Variants in ADGRL3 observed in about 807,000 individuals in gnomAD.
ADGRL3 encodes adhesion G protein-coupled receptor L3.
ADGRL3 carries 62 observed loss-of-function variants against 153.5 expected under a neutral mutation model. That is an observed-to-expected ratio of 0.40 (90% CI 0.33 to 0.50). The LOEUF is 0.50. ADGRL3 is among the 20% of genes least tolerant of loss of function. The pLI, the probability that ADGRL3 is intolerant of heterozygous loss-of-function variation, is 0.47. For missense variants in ADGRL3, 1,641 were observed against 1,859.4 expected, an observed-to-expected ratio of 0.88 and a Z score of 2.16; for synonymous variants, 710 against 672.5, an observed-to-expected ratio of 1.06 and a Z score of -0.86.
At chr4:62,038,597 C>T (rs956245673) in intron 24 of ADGRL3, among the ~76,000 whole-genome samples, 4 of 151,890 alleles carry the variant, frequency 2.6e-5, no homozygotes, top group Non-Finnish European at 4.4e-5. Flanking sequence ...AGCTAGCAAA[C>T]TAGTATTATT....
At chr4:61,790,485 G>A (rs1240576239) in intron 8 of ADGRL3, among the ~76,000 whole-genome samples, 3 of 152,100 alleles carry the variant, frequency 2.0e-5, no homozygotes, top group African/African-American at 7.2e-5. Flanking sequence ...ATTAGGAACA[G>A]TAAAAGATTA....
chr4:61,674,228 A>C (rs993599201), intron 5 of ADGRL3, among the ~76,000 whole-genome samples: 2 of 151,526 alleles, frequency 1.3e-5, no homozygotes, highest in African/African-American at 4.8e-5. Context: ...TTTCTAATCT[A>C]ATCTATATAA....
intron 4 of ADGRL3, among the ~76,000 whole-genome samples, chr4:61,585,487 AT>A (rs1481523977): frequency 1.9e-4 from 29 of 151,860 alleles, no homozygotes; most frequent in Admixed American, 6.6e-5. Context: ...TTCTTTTCAC[AT>A]TTCATGCTTC....
chr4:61,816,698 C>T (rs557001697), intron 9 of ADGRL3, among the ~76,000 whole-genome samples: 1 of 152,162 alleles, frequency 6.6e-6, no homozygotes, highest in Non-Finnish European at 1.5e-5. Context: ...TTTGTAGTTC[C>T]AAGTGACCTG....
chr4:61,909,701 T>C lies in ADGRL3; in HGVS notation c.2029T>C (p.Leu677=). The C allele has an allele frequency of 6.3e-7, 1 of 1,584,796 alleles. No individual in the cohort carries two copies. The highest frequency in any genetic ancestry group is 1.1e-5 in the South Asian group (1 of 87,082). Residue 677 remains leucine, a synonymous_variant, in exon 12 of 27, where the codon TTG becomes CTG. Coordinates refer to ENST00000683033, the MANE Select transcript of ADGRL3 (RefSeq NM_001387552.1). ...CCTCCTAGATGTACAGCTTCGGAAC[T>C]TGACCCCAGGTGGAAAAGATAGTGC... ...VGLLDVQLRN[L]TPGGKDSAAR...
intron 13 of ADGRL3, among the ~76,000 whole-genome samples, chr4:61,916,722 G>A (rs2098746730): frequency 6.6e-6 from 1 of 152,094 alleles, no homozygotes; most frequent in African/African-American, 2.4e-5. Context: ...GAAGGCCAAG[G>A]TGGGCAGATC....
At chr4:61,588,176 G>C (rs1253088293) in intron 5 of ADGRL3, among the ~76,000 whole-genome samples, 1 of 151,728 alleles carries the variant, frequency 6.6e-6, no homozygotes, top group Admixed American at 6.6e-5. Context: ...TGCTTTCTCA[G>C]AAATCAGGGA....
At chr4:61,849,912 C>T (rs887752618) in intron 9 of ADGRL3, among the ~76,000 whole-genome samples, 3 of 152,072 alleles carry the variant, frequency 2.0e-5, no homozygotes, top group Admixed American at 6.6e-5. Flanking sequence ...GTAAACAGAA[C>T]GCTTTTGCCA....
At chr4:62,010,851 T>TA (rs1436034745) in intron 21 of ADGRL3, among the ~76,000 whole-genome samples, 1 of 152,140 alleles carries the variant, frequency 6.6e-6, no homozygotes, top group Non-Finnish European at 1.5e-5. Flanking sequence ...TTTTAAAACT[T>TA]ACTCTGTTTT....
At chr4:62,001,243 A>T (rs796817975) in intron 21 of ADGRL3, among the ~76,000 whole-genome samples, 8 of 152,322 alleles carry the variant, frequency 5.3e-5, no homozygotes, top group African/African-American at 1.9e-4. Flanking sequence ...GAGCAATTCC[A>T]CTACATTGGA....
intron 9 of ADGRL3, among the ~76,000 whole-genome samples, chr4:61,867,304 G>A (rs374339158): frequency 6.6e-6 from 1 of 151,410 alleles, no homozygotes; most frequent in Non-Finnish European, 1.5e-5. Context: ...TTTGAGACTA[G>A]CCTGAGCAAC....
rs142358193 is a variant in ADGRL3 at position 61,925,901 on chromosome 4, A to G, written c.2113-8939A>G. Among the ~76,000 whole-genome samples, 21 of 152,344 alleles carry G rather than the reference A, an allele frequency of 1.4e-4. No homozygotes were observed. The East Asian group carries it at 2.3e-3, about 17-fold the overall frequency. ...ATCTGAATTGATGCCATACAATTAT[A>G]GTCATGCATTACCAGTGAGGATACA... On this transcript the variant is annotated intron_variant, in intron 13 of 26. Coordinates refer to ENST00000683033, the MANE Select transcript of ADGRL3 (RefSeq NM_001387552.1).
At chr4:61,694,290 G>T (rs2095601247) in intron 6 of ADGRL3, among the ~76,000 whole-genome samples, 1 of 141,406 alleles carries the variant, frequency 7.1e-6, no homozygotes, top group Non-Finnish European at 1.5e-5. Flanking sequence ...TCCTGCCTTG[G>T]CCTTTCAAAG....
intron 8 of ADGRL3, among the ~76,000 whole-genome samples, chr4:61,778,940 C>T (rs760027555): frequency 6.6e-6 from 1 of 151,978 alleles, no homozygotes; most frequent in Non-Finnish European, 1.5e-5. Context: ...CATCTGTAAT[C>T]CCAGCTACTT....
intron 8 of ADGRL3, among the ~76,000 whole-genome samples, chr4:61,772,270 G>T (rs2097095797): frequency 6.6e-6 from 1 of 152,160 alleles, no homozygotes; most frequent in Admixed American, 6.5e-5. Context: ...GGCCACTGCA[G>T]GTAGAGATCC....
chr4:61,232,270 A>G (rs1210035397), intron 1 of ADGRL3, among the ~76,000 whole-genome samples: 1 of 152,012 alleles, frequency 6.6e-6, no homozygotes, highest in Non-Finnish European at 1.5e-5. Context: ...CATTTTCTTA[A>G]GTTTGAATTC....
At chr4:61,322,130 G>A (rs949173223) in intron 1 of ADGRL3, among the ~76,000 whole-genome samples, 38 of 152,124 alleles carry the variant, frequency 2.5e-4, no homozygotes, top group African/African-American at 8.9e-4. Context: ...GATAACAGCA[G>A]GCAAAGAGAG....
chr4:61,229,006 G>A (rs1306164675), intron 1 of ADGRL3, among the ~76,000 whole-genome samples: 1 of 152,064 alleles, frequency 6.6e-6, no homozygotes, highest in East Asian at 1.9e-4. Context: ...ATTTATCTTT[G>A]TGTGCTTCAG....
At chr4:61,566,630 CT>C (rs1242849216) in intron 4 of ADGRL3, among the ~76,000 whole-genome samples, 9 of 151,924 alleles carry the variant, frequency 5.9e-5, no homozygotes, top group African/African-American at 1.9e-4. Flanking sequence ...AAACTGAATA[CT>C]TTTAGTGTAT....
Sources: gnomAD v4.1 joint callset for allele counts (sites outside exome capture counted in the v4.1 genomes callset) on GRCh38, gnomAD v4.1.1 for gene constraint, MANE v1.5 for transcripts, NCBI Gene and HGNC (gene_info 2026-07-23, HGNC 2026-07-21) for gene names.